Variants in TRMU observed in about 807,000 individuals in gnomAD.
TRMU encodes mitochondrial tRNA-specific 2-thiouridylase 1.
TRMU carries 49 observed loss-of-function variants against 46.9 expected under a neutral mutation model. The ratio of observed to expected loss-of-function variants is 1.05; its 90% CI spans 0.83 to 1.33. The LOEUF (loss-of-function observed/expected upper bound fraction) is 1.33. Among genes scored for constraint, TRMU ranks in the 40% most tolerant of loss-of-function variants. TRMU has a pLI of 0.00. For synonymous variants in TRMU, 241 were observed against 200.9 expected, an observed-to-expected ratio of 1.20 and a Z score of -1.69; for missense variants, 572 against 532.4, an observed-to-expected ratio of 1.07 and a Z score of -0.73.
Position 46,353,847 on chromosome 22 carries a change from G to A in TRMU, c.853G>A (p.Val285Ile), listed in dbSNP as rs147754663. Residue 285 changes from valine to isoleucine, a missense_variant, in exon 8 of 11, where the codon GTC (valine) becomes ATC (isoleucine). Transcript: ENST00000645190. ...CTGGTACGTGGTGGAGAAGGACAGC[G>A]TCAAGGGTGACGTGTTTGTGGTGAG... ...EPWYVVEKDS[V>I]KGDVFVAPRT... The A allele has an allele frequency of 9.3e-5, 150 of 1,613,914 alleles. 1 individual carries two copies. The highest frequency in any genetic ancestry group is 3.1e-4 in the East Asian group (14 of 44,872).
rs1209543143 is a variant in TRMU, at chr22:46,347,869, T to C, written c.478+1325T>C. Among the ~76,000 whole-genome samples the C allele has an allele frequency of 6.6e-6, 1 of 152,208 alleles. No homozygotes were observed. Among genetic ancestry groups the C allele is most frequent in the African/African-American group, 2.4e-5 (1 of 41,454 alleles). On this transcript the variant is annotated intron_variant, in intron 4 of 10. Transcript: ENST00000645190. This position sits in a 1 kb window ranked among gnomAD's most constrained non-coding sequence, Gnocchi z 5.0. ...TTCCTCAGCGTTGCTGAGCCCATCC[T>C]GAAGGCTGCAGTGATGGGGCAGGGC...
intron 3 of TRMU, among the ~76,000 whole-genome samples, chr22:46,344,025 T>C (rs2078189550): frequency 6.6e-6 from 1 of 152,196 alleles, no homozygotes; most frequent in Non-Finnish European, 1.5e-5. Flanking sequence ...AACAAATGCC[T>C]ACAAAAACAA....
chr22:46,337,481 C>T (rs2078008094), intron 1 of TRMU, among the ~76,000 whole-genome samples: 2 of 152,226 alleles, frequency 1.3e-5, no homozygotes, highest in Admixed American at 6.5e-5. Flanking sequence ...TGTTGAGTTT[C>T]GACTATTCCT....
Position 46,356,718 on chromosome 22 carries a change from C to T in TRMU, c.1102-124C>T. ...GCAGCAGCAGCAGCAAAACCCTGCT[C>T]CCCTGGGAGCTCAGTGCCTGGTGCT... On this transcript the variant is annotated intron_variant, in intron 10 of 10. Transcript: ENST00000645190. The T allele has an allele frequency of 3.3e-6, 4 of 1,202,520 alleles. No homozygotes were observed. The Admixed American group carries it at 5.9e-5, about 18-fold the overall frequency. 74.5% of individuals were successfully genotyped at this position (1,202,520 alleles called of 1,614,324 possible).
rs118018000 is a variant in TRMU, at chr22:46,342,876, A to C, written c.249-386A>C. On this transcript the variant is annotated intron_variant, in intron 2 of 10. Coordinates refer to ENST00000645190, the MANE Select transcript of TRMU (RefSeq NM_018006.5). This position sits in a 1 kb window ranked among gnomAD's most constrained non-coding sequence, Gnocchi z 4.7. ...GGAAGGCTGAGGTGGGAGAATCTGC[A>C]AGGGAAGTCTAAAGGATTTCATTTC... Among the ~76,000 whole-genome samples, 1 of 152,256 alleles carries C rather than the reference A, an allele frequency of 6.6e-6. No homozygotes were observed.
In TRMU at chr22:46,335,800, C is replaced by A; in HGVS notation, c.36C>A (p.Ser12=). 1 of 1,562,696 alleles carries A rather than the reference C, an allele frequency of 6.4e-7. No homozygotes were observed. Among genetic ancestry groups the A allele is most frequent in the Non-Finnish European group, 8.6e-7 (1 of 1,159,188 alleles). Residue 12 remains serine (S), a synonymous_variant, in exon 1 of 11, where the codon TCC becomes TCA. Transcript: ENST00000645190. ...QALRHVVCAL[S]GGVDSAVAAL... ...TGCGGCACGTCGTGTGCGCCCTGTC[C>A]GGCGGCGTGGACAGCGCCGTGGCCG...
At chr22:46,352,725 C>T (rs1050863748) in intron 7 of TRMU, 1 of 350,626 alleles carries the variant, frequency 2.9e-6, no homozygotes, top group Admixed American at 3.9e-5. Flanking sequence ...GATTAAGGAC[C>T]ACATGCAGCG....
rs552239864 is a variant in TRMU, at chr22:46,349,935, C to T, written c.479-356C>T. Among the ~76,000 whole-genome samples, 12 of 151,736 alleles carry T rather than the reference C, an allele frequency of 7.9e-5. No individual in the cohort carries two copies. Among genetic ancestry groups the T allele is most frequent in the African/African-American group, 2.7e-4 (11 of 41,366 alleles). On this transcript the variant is annotated intron_variant, in intron 4 of 10. Coordinates refer to ENST00000645190, the MANE Select transcript of TRMU (RefSeq NM_018006.5). The surrounding 1 kb of genome is among the most constrained non-coding windows in gnomAD (Gnocchi z 4.6). The stretch of plus-strand genomic sequence containing the variant: ...TATCAGTGGAATTTTCTGCCAGCAA[C>T]TAGCTTACTCCATTTTCCAAGATTT...
In TRMU at chr22:46,344,767, G is replaced by A. The variant is rs143375061; in HGVS notation, c.355+1399G>A. Among the ~76,000 whole-genome samples the A allele has an allele frequency of 4.7e-4, 72 of 152,336 alleles. 1 individual carries two copies. Among genetic ancestry groups the A allele is most frequent in the Non-Finnish European group, 7.6e-4 (52 of 68,026 alleles). ...ACGCCCAGACTTCTGAACTCACCGC[G>A]CTTCTCAGAGGCATCCTGCGCTTTT... On this transcript the variant is annotated intron_variant, in intron 3 of 10. Transcript: ENST00000645190.
rs1298113317 is a variant in TRMU at position 46,338,531 on chromosome 22, C to T, written c.248+587C>T. On this transcript the variant is annotated intron_variant, in intron 2 of 10. Transcript: ENST00000645190. This position sits in a 1 kb window ranked among gnomAD's most constrained non-coding sequence, Gnocchi z 4.5. ...CAAGAGGTGACAGTGATGCGTGGCACGCAGGAAGTACCAGTGATGCTATCA... is the reference window on the plus strand; with the variant it reads ...CAAGAGGTGACAGTGATGCGTGGCATGCAGGAAGTACCAGTGATGCTATCA... 3.3e-5 allele frequency among the ~76,000 whole-genome samples: 5 copies of T among 152,174 alleles called. No individual in the cohort carries two copies. The highest frequency in any genetic ancestry group is 1.9e-4 in the East Asian group (1 of 5,176).
chr22:46,346,544 G>A lies in TRMU; in HGVS notation c.478G>A (p.Ala160Thr), dbSNP rs755715209. Residue 160 changes from alanine (A) to threonine (T), a missense_variant and splice_region_variant, in exon 4 of 11, where the codon GCG (alanine) becomes ACG (threonine). Transcript: ENST00000645190. Reference sequence around the variant, plus strand: ...CAGAAATCGGTTTGAAGTTAGAAATGGTAAGTTCATGTGCCCAGGTCAGAG... The same window carrying A: ...CAGAAATCGGTTTGAAGTTAGAAATAGTAAGTTCATGTGCCCAGGTCAGAG... ...LFRNRFEVRN[A>T]VKLLQAADSF... The A allele has an allele frequency of 6.2e-6, 10 of 1,609,974 alleles. No homozygotes were observed. The highest frequency in any genetic ancestry group is 7.6e-6 in the Non-Finnish European group (9 of 1,177,454).
rs13585 is a variant in TRMU, at chr22:46,357,282, G to A, written c.*276G>A. On this transcript the variant is annotated 3_prime_UTR_variant, in exon 11 of 11. Coordinates refer to ENST00000645190, the MANE Select transcript of TRMU (RefSeq NM_018006.5). The stretch of plus-strand genomic sequence containing the variant: ...AGGGTTTCCCACCTCAGAGTACACC[G>A]AGGGGACCTGCAGAGGGGGCTGTCG... 98,354 of 552,118 alleles carry A rather than the reference G, an allele frequency of 0.18. 11,685 individuals are homozygous for A. Among genetic ancestry groups the A allele is most frequent in the African/African-American group, 0.44 (23,194 of 52,740 alleles). The allele number at this position is 552,118 out of a possible 1,614,324, so 34.2% of individuals were successfully genotyped here. A position where few individuals can be genotyped will look rare whatever the true frequency, so the allele number is the denominator to read the frequency against.
rs1184184662 is a variant in TRMU, at chr22:46,351,908, G to A, written c.652-213G>A. 4.4e-6 allele frequency: 3 copies of A among 688,598 alleles called. No homozygotes were observed. Among genetic ancestry groups the A allele is most frequent in the African/African-American group, 1.8e-5 (1 of 56,760 alleles). 42.7% of individuals were successfully genotyped at this position (688,598 alleles called of 1,614,324 possible). A position where few individuals can be genotyped will look rare whatever the true frequency, so the allele number is the denominator to read the frequency against. On this transcript the variant is annotated intron_variant, in intron 5 of 10. Coordinates refer to ENST00000645190, the MANE Select transcript of TRMU (RefSeq NM_018006.5). The surrounding 1 kb of genome is among the most constrained non-coding windows in gnomAD (Gnocchi z 6.4). ...TCTCCCGCGCAGGGTCAGACCCCGC[G>A]GGCCGAGACAATGAGGCGTTCTCTA... is the stretch of plus-strand genomic sequence containing the variant.
intron 2 of TRMU, among the ~76,000 whole-genome samples, chr22:46,340,879 T>C (rs554013645): frequency 4.6e-5 from 7 of 152,392 alleles, no homozygotes; most frequent in Admixed American, 3.9e-4. Flanking sequence ...TCTCTGGGGC[T>C]GCCCCCGAGG....
chr22:46,355,774 G>C, intron 9 of TRMU, 186 bp downstream of exon 9: 1 of 1,145,856 alleles, frequency 8.7e-7, no homozygotes, highest in East Asian at 2.6e-5. Flanking sequence ...GGGGTGCTGG[G>C]AGCAGATGCA....
chr22:46,340,345 CCTCATGAGT>C (rs2078089716), intron 2 of TRMU, among the ~76,000 whole-genome samples: 1 of 152,104 alleles, frequency 6.6e-6, no homozygotes, highest in South Asian at 2.1e-4. Context: ...TTAGGGGATT[CCTCATGAGT>C]ACTGTAGAGT....
At chr22:46,346,070 C>G (rs1276356221) in intron 3 of TRMU, among the ~76,000 whole-genome samples, 1 of 152,210 alleles carries the variant, frequency 6.6e-6, no homozygotes, top group Non-Finnish European at 1.5e-5. Flanking sequence ...CGCGCCTGGC[C>G]TCCCTTCGTA....
intron 7 of TRMU, chr22:46,353,183 G>C (rs2078488847): frequency 1.8e-5 from 3 of 166,342 alleles, no homozygotes; most frequent in Non-Finnish European, 4.0e-5. Flanking sequence ...GCCCCAGCAG[G>C]AGCCAGTTGG....
At chr22:46,337,170 C>T (rs1452118629) in intron 1 of TRMU, among the ~76,000 whole-genome samples, 2 of 152,136 alleles carry the variant, frequency 1.3e-5, no homozygotes, top group Non-Finnish European at 2.9e-5. Context: ...TTTGCCCTGT[C>T]TTTCATTACA....
Sources: gnomAD v4.1 joint callset for allele counts (sites outside exome capture counted in the v4.1 genomes callset) on GRCh38, gnomAD v4.1.1 for gene constraint, Gnocchi (gnomAD v3.1) non-coding constraint, MANE v1.5 for transcripts, NCBI Gene and HGNC (gene_info 2026-07-23, HGNC 2026-07-21) for gene names.